Variants in AP1G1 observed in about 807,000 individuals in gnomAD.
AP1G1 encodes adaptor related protein complex 1 subunit gamma 1, also known as AP-1 complex subunit gamma-1.
AP1G1 carries 7 observed loss-of-function variants against 108.3 expected under a neutral mutation model. That is an observed-to-expected ratio of 0.06 (90% CI 0.04 to 0.12). The LOEUF is 0.12. AP1G1 is among the 10% of genes least tolerant of loss of function. AP1G1 has a pLI of 1.00. For missense variants in AP1G1, 756 were observed against 1,010.7 expected (o/e 0.75, Z 3.42); for synonymous variants, 379 against 353.5 (o/e 1.07, Z -0.81).
At chr16:71,774,756 G>C (rs529343425) in intron 2 of AP1G1, among the ~76,000 whole-genome samples, 164 bp from the exon 3 acceptor site, 1 of 152,140 alleles carries the variant, frequency 6.6e-6, no homozygotes, top group South Asian at 2.1e-4. Context: ...GTTTCGCTCT[G>C]GTTGGCCAGG....
At chr16:71,773,182 T>G (rs200329610) in intron 4 of AP1G1, 39 bp downstream of exon 4, 136 of 1,606,646 alleles carry the variant, frequency 8.5e-5, no homozygotes, top group Non-Finnish European at 1.1e-4. Context: ...TCCATAATAC[T>G]CCCTAATCCA....
chr16:71,764,298 C>A, intron 9 of AP1G1, 52 bp downstream of exon 9: 2 of 1,107,996 alleles, frequency 1.8e-6, no homozygotes, highest in South Asian at 1.5e-5. Context: ...TCCAAGTCAA[C>A]CATTCTAAGT....
intron 16 of AP1G1, 99 bp downstream of exon 16, chr16:71,748,152 T>C (rs2030282167): frequency 5.5e-6 from 7 of 1,267,844 alleles, no homozygotes; most frequent in East Asian, 2.4e-5. Flanking sequence ...TCTACTTTTG[T>C]CTATGCTTGA....
chr16:71,792,095 G>A (rs28704189), intron 1 of AP1G1, among the ~76,000 whole-genome samples: 52,099 of 151,892 alleles, frequency 0.34, 9,742 homozygotes, highest in East Asian at 0.76. Context: ...ATGGCTGAAG[G>A]TAGTCTCACC....
intron 9 of AP1G1, among the ~76,000 whole-genome samples, chr16:71,763,691 T>C (rs1380486616): frequency 6.6e-6 from 1 of 152,188 alleles, no homozygotes; most frequent in Non-Finnish European, 1.5e-5. Flanking sequence ...GTTACTTTGG[T>C]TATCTAACTA....
chr16:71,778,966 G>A (rs1291657279), intron 2 of AP1G1, among the ~76,000 whole-genome samples: 1 of 152,090 alleles, frequency 6.6e-6, no homozygotes, highest in Non-Finnish European at 1.5e-5. Context: ...CACTTAAAGC[G>A]ACTTGAAAAA....
intron 16 of AP1G1, chr16:71,747,466 G>C (rs1226764498): frequency 6.6e-6 from 1 of 152,086 alleles, no homozygotes; most frequent in African/African-American, 2.4e-5. Flanking sequence ...TGTAATCCCA[G>C]CTACTCAGGA....
chr16:71,765,931 CCTAGG>C (rs2031293706), intron 6 of AP1G1, among the ~76,000 whole-genome samples: 1 of 152,078 alleles, frequency 6.6e-6, no homozygotes, highest in Admixed American at 6.6e-5. Context: ...ACTTGAAAAG[CCTAGG>C]TGGCAAAAAC....
rs2030288367 is a variant in AP1G1 at position 71,748,230 on chromosome 16, CTA to C, written c.1625+19_1625+20del. 1 of 1,603,952 alleles carries C rather than the reference CTA, an allele frequency of 6.2e-7. No homozygotes were observed. Among genetic ancestry groups the C allele is most frequent in the East Asian group, 2.2e-5 (1 of 44,790 alleles). ...TTAATTACAAAACAACCTGTTCACC[CTA>C]TGTTTCTTCAATACTCACTTTACAG... On this transcript the variant is annotated intron_variant, in intron 16 of 22. Transcript: ENST00000299980.
At chr16:71,748,175 TAAC>T (rs890122257) in intron 16 of AP1G1, 73 bp downstream of exon 16, 30 of 1,504,320 alleles carry the variant, frequency 2.0e-5, no homozygotes, top group African/African-American at 1.6e-4. Flanking sequence ...TTTTCCATGA[TAAC>T]AAGTTTTTTG....
intron 1 of AP1G1, among the ~76,000 whole-genome samples, chr16:71,795,479 T>G (rs192014559): frequency 6.6e-6 from 1 of 152,316 alleles, no homozygotes; most frequent in African/African-American, 2.4e-5. Flanking sequence ...GTTCAAGGGA[T>G]GTAAGTTAAC....
rs1438484100 is a variant in AP1G1, at chr16:71,731,946, G to A, written c.*1112C>T. On this transcript the variant is annotated 3_prime_UTR_variant, in exon 23 of 23. Transcript: ENST00000299980. ...AGATACAACACAAATGTTCCAGTTA[G>A]AAGGAATTCAAACGGAATGCCAAGG... The A allele has an allele frequency of 6.6e-6, 1 of 152,624 alleles. No individual in the cohort carries two copies. Among genetic ancestry groups the A allele is most frequent in the African/African-American group, 2.4e-5 (1 of 41,442 alleles). 9.5% of individuals were successfully genotyped at this position (152,624 alleles called of 1,614,324 possible).
intron 1 of AP1G1, chr16:71,807,916 C>T (rs975149691): frequency 7.8e-7 from 1 of 1,280,670 alleles, no homozygotes; most frequent in African/African-American, 1.5e-5. Context: ...GTATTCAGCA[C>T]AGGGAGGGAA....
intron 12 of AP1G1, among the ~76,000 whole-genome samples, chr16:71,755,038 G>C (rs995322385): frequency 2.6e-5 from 4 of 152,130 alleles, no homozygotes; most frequent in Admixed American, 2.0e-4. Flanking sequence ...AGAAGAGAAA[G>C]AATAGCTGTA....
At chr16:71,800,559 T>TGGG (rs2032757686) in intron 1 of AP1G1, among the ~76,000 whole-genome samples, 1 of 151,378 alleles carries the variant, frequency 6.6e-6, no homozygotes, top group South Asian at 2.1e-4. Flanking sequence ...CCTAGCACTT[T>TGGG]GGGAGGCCAA....
At chr16:71,739,629 G>A (rs1369209730) in intron 19 of AP1G1, among the ~76,000 whole-genome samples, 2 of 151,884 alleles carry the variant, frequency 1.3e-5, no homozygotes, top group Non-Finnish European at 2.9e-5. Context: ...GTGTGCGCCT[G>A]TAGTCCCAGC....
intron 5 of AP1G1, among the ~76,000 whole-genome samples, chr16:71,769,982 T>G (rs2031506320): frequency 6.6e-6 from 1 of 152,228 alleles, no homozygotes; most frequent in Admixed American, 6.5e-5. Flanking sequence ...CATCTGAGAA[T>G]ATCCATAAAA....
chr16:71,749,479 A>G lies in AP1G1; in HGVS notation c.1497+415T>C, dbSNP rs999728801. Among the ~76,000 whole-genome samples, 10 of 120,666 alleles carry G rather than the reference A, an allele frequency of 8.3e-5. No individual in the cohort carries two copies. The East Asian group carries it at 4.8e-3, about 58-fold the overall frequency. The allele number at this position is 120,666 out of a possible 152,430, so 79.2% of individuals were successfully genotyped here. The stretch of plus-strand genomic sequence containing the variant: ...AGCTTGGGTGACAGAGTGAGACTCT[A>G]TTAAAAAAAAAAAAACAAAAAACCT... On this transcript the variant is annotated intron_variant, in intron 15 of 22. Coordinates refer to ENST00000299980, the MANE Select transcript of AP1G1 (RefSeq NM_001128.6).
intron 6 of AP1G1, among the ~76,000 whole-genome samples, chr16:71,768,500 C>CAGAAAAAA: frequency 1.2e-5 from 1 of 83,718 alleles, no homozygotes; most frequent in South Asian, 5.0e-4. Flanking sequence ...GACTCCGCCA[C>CAGAAAAAA]AAAAAAAAAA....
Sources: gnomAD v4.1 joint callset for allele counts (sites outside exome capture counted in the v4.1 genomes callset) on GRCh38, gnomAD v4.1.1 for gene constraint, MANE v1.5 for transcripts, NCBI Gene and HGNC (gene_info 2026-07-23, HGNC 2026-07-21) for gene names.